CNTNAP5: variants seen among roughly 807,000 people sequenced by gnomAD.
CNTNAP5 encodes contactin associated protein family member 5, also known as contactin-associated protein-like 5.
CNTNAP5 carries 72 observed loss-of-function variants against 150.2 expected under a neutral mutation model. The ratio of observed to expected loss-of-function variants is 0.48; its 90% CI spans 0.40 to 0.58. CNTNAP5 has a LOEUF of 0.58. Among genes scored for constraint, CNTNAP5 ranks in the 20% least tolerant of loss-of-function variants. The pLI, the probability that CNTNAP5 is intolerant of heterozygous loss-of-function variation, is 0.00. For missense variants in CNTNAP5, 1,636 were observed against 1,626.2 expected (o/e 1.01, Z -0.10); for synonymous variants, 672 against 619.8 (o/e 1.08, Z -1.25).
At chr2:124,442,462 C>G (rs537485367) in intron 5 of CNTNAP5, among the ~76,000 whole-genome samples, 14 of 152,274 alleles carry the variant, frequency 9.2e-5, no homozygotes, top group Admixed American at 7.8e-4. Context: ...CTAAATAAGG[C>G]CACTCAAGGA....
intron 7 of CNTNAP5, among the ~76,000 whole-genome samples, chr2:124,503,481 T>C (rs1694323818): frequency 1.3e-5 from 2 of 152,210 alleles, no homozygotes. Flanking sequence ...CAAAGAATAA[T>C]CTTCTTACTC....
At chr2:124,430,627 A>G (rs954975621) in intron 4 of CNTNAP5, among the ~76,000 whole-genome samples, 1 of 152,200 alleles carries the variant, frequency 6.6e-6, no homozygotes, top group African/African-American at 2.4e-5. Flanking sequence ...TACTTTAGCA[A>G]TGCTGAGGTA....
intron 4 of CNTNAP5, among the ~76,000 whole-genome samples, chr2:124,419,956 C>CT (rs1558894052): frequency 3.6e-5 from 3 of 83,966 alleles, no homozygotes; most frequent in African/African-American, 1.5e-4. Context: ...TTCTTTCTTT[C>CT]CTTTTCTCTC....
intron 6 of CNTNAP5, among the ~76,000 whole-genome samples, chr2:124,472,645 A>G (rs1192081662): frequency 6.6e-6 from 1 of 151,752 alleles, no homozygotes; most frequent in Non-Finnish European, 1.5e-5. Flanking sequence ...GACGAATGCA[A>G]TAAAGTGAAT....
intron 13 of CNTNAP5, among the ~76,000 whole-genome samples, chr2:124,709,632 T>A (rs1476040165): frequency 6.6e-6 from 1 of 152,136 alleles, no homozygotes; most frequent in African/African-American, 2.4e-5. Context: ...AGACTATGAA[T>A]CATAATTTTT....
At chr2:124,469,048 T>A (rs1381703853) in intron 6 of CNTNAP5, among the ~76,000 whole-genome samples, 5 of 152,174 alleles carry the variant, frequency 3.3e-5, no homozygotes, top group Admixed American at 3.3e-4. Context: ...GTGACCTCTA[T>A]CCATATCCAC....
chr2:124,322,782 C>T (rs1271233711), intron 3 of CNTNAP5, among the ~76,000 whole-genome samples: 9 of 152,166 alleles, frequency 5.9e-5, no homozygotes, highest in African/African-American at 2.2e-4. Context: ...ATGAAACCAT[C>T]ACTTCCTTCT....
chr2:124,476,034 C>T (rs1198933427), intron 7 of CNTNAP5, among the ~76,000 whole-genome samples: 1 of 151,740 alleles, frequency 6.6e-6, no homozygotes, highest in East Asian at 1.9e-4. Context: ...CTGTGTATAG[C>T]TTTTGTTAGT....
At chr2:124,717,546 G>A (rs1305717748) in intron 13 of CNTNAP5, among the ~76,000 whole-genome samples, 1 of 152,168 alleles carries the variant, frequency 6.6e-6, no homozygotes, top group Non-Finnish European at 1.5e-5. Context: ...TGAAGAGTTT[G>A]CTGAAATGTT....
chr2:124,346,552 A>G (rs1364138151), intron 3 of CNTNAP5, among the ~76,000 whole-genome samples: 5 of 152,136 alleles, frequency 3.3e-5, no homozygotes, highest in Admixed American at 1.3e-4. Flanking sequence ...GAATATATAA[A>G]TTCTATTGAT....
At chr2:124,415,424 T>C (rs896111965) in intron 3 of CNTNAP5, among the ~76,000 whole-genome samples, 11 of 152,230 alleles carry the variant, frequency 7.2e-5, no homozygotes, top group Non-Finnish European at 1.6e-4. Context: ...TTGTGCGTAG[T>C]AGAAATGTCA....
intron 1 of CNTNAP5, among the ~76,000 whole-genome samples, chr2:124,176,608 G>C (rs1192076606): frequency 6.6e-6 from 1 of 152,122 alleles, no homozygotes; most frequent in African/African-American, 2.4e-5. Context: ...CCACTTTTGT[G>C]CTTAGGTTCA....
intron 4 of CNTNAP5, among the ~76,000 whole-genome samples, chr2:124,422,825 T>G (rs1442929246): frequency 6.6e-6 from 1 of 152,146 alleles, no homozygotes; most frequent in Non-Finnish European, 1.5e-5. Flanking sequence ...CATATATGCT[T>G]TTAACATACC....
intron 13 of CNTNAP5, among the ~76,000 whole-genome samples, chr2:124,660,643 C>G (rs192081196): frequency 7.4e-6 from 1 of 134,536 alleles, no homozygotes; most frequent in African/African-American, 2.5e-5. Flanking sequence ...AAATTGGGTG[C>G]GTTTTTTGCA....
chr2:124,468,336 G>A (rs983712776), intron 6 of CNTNAP5, among the ~76,000 whole-genome samples: 3 of 152,096 alleles, frequency 2.0e-5, no homozygotes, highest in African/African-American at 7.2e-5. Context: ...TTCAGCCTGT[G>A]GCAGAAGGCC....
chr2:124,796,269 G>A (rs973659156), intron 18 of CNTNAP5, among the ~76,000 whole-genome samples: 2 of 152,070 alleles, frequency 1.3e-5, no homozygotes, highest in East Asian at 3.9e-4. Context: ...TCCTGTATAT[G>A]CCCATATCTA....
chr2:124,839,960 T>A lies in CNTNAP5; in HGVS notation c.3218-25346T>A, dbSNP rs192308313. 3.3e-5 allele frequency among the ~76,000 whole-genome samples: 5 copies of A among 152,278 alleles called. No homozygotes were observed. The East Asian group carries it at 9.7e-4, about 29-fold the overall frequency. On this transcript the variant is annotated intron_variant, in intron 19 of 23. Transcript: ENST00000682447. The stretch of plus-strand genomic sequence containing the variant: ...CTTGCCATAAGTGAACAAATACATG[T>A]GACAAGGTAAAAAAGTGACACAGTT...
intron 1 of CNTNAP5, among the ~76,000 whole-genome samples, chr2:124,163,455 C>A (rs1558781918): frequency 1.3e-5 from 2 of 152,130 alleles, no homozygotes; most frequent in African/African-American, 2.4e-5. Flanking sequence ...GATTAGCATG[C>A]TTTGAGGAGT....
chr2:124,728,597 T>C lies in CNTNAP5; in HGVS notation c.2078-18632T>C, dbSNP rs541304695. 3.5e-4 allele frequency among the ~76,000 whole-genome samples: 53 copies of C among 152,236 alleles called. 1 individual carries two copies. Among genetic ancestry groups the C allele is most frequent in the African/African-American group, 1.3e-3 (52 of 41,586 alleles). The stretch of plus-strand genomic sequence containing the variant: ...ATATCTTTAAATATTTTAATACATA[T>C]GCATTATTTTAATGTAATACATATA... On this transcript the variant is annotated intron_variant, in intron 13 of 23. Coordinates refer to ENST00000682447, the MANE Select transcript of CNTNAP5 (RefSeq NM_001367498.1).
Sources: gnomAD v4.1 joint callset for allele counts (sites outside exome capture counted in the v4.1 genomes callset) on GRCh38, gnomAD v4.1.1 for gene constraint, MANE v1.5 for transcripts, NCBI Gene and HGNC (gene_info 2026-07-23, HGNC 2026-07-21) for gene names.